The following BCL10 variants were observed in gnomAD, a reference collection of about 807,000 sequenced individuals.
BCL10 encodes the protein B-cell lymphoma/leukemia 10.
Under a neutral mutation model 19.2 loss-of-function variants are expected in BCL10, and 5 were observed. That is an observed-to-expected ratio of 0.26 (90% CI 0.14 to 0.55). The LOEUF is 0.55. Among genes scored for constraint, BCL10 ranks in the 20% least tolerant of loss-of-function variants. The pLI, the probability that BCL10 is intolerant of heterozygous loss-of-function variation, is 0.94. For missense variants in BCL10, 201 were observed against 271.9 expected (o/e 0.74, Z 1.83); for synonymous variants, 110 against 98.8 (o/e 1.11, Z -0.67).
rs75617905 is a variant in BCL10 at position 85,274,333 on chromosome 1, T to C, written c.57+1963A>G. Among the ~76,000 whole-genome samples, 7 of 152,330 alleles carry C rather than the reference T, an allele frequency of 4.6e-5. No homozygotes were observed. The East Asian group carries it at 1.3e-3, about 29-fold the overall frequency. On this transcript the variant is annotated intron_variant, in intron 1 of 2. Transcript: ENST00000648566. ...TTGAATGCAAAACTCACTGCACTTA[T>C]TTTGTGATTTAAAACAATCCCCCTC...
At chr1:85,274,643 T>C (rs373990645) in intron 1 of BCL10, among the ~76,000 whole-genome samples, 3 of 152,264 alleles carry the variant, frequency 2.0e-5, no homozygotes, top group East Asian at 3.9e-4. Context: ...AGTTCAATAT[T>C]TGACAAGGTG....
At chr1:85,275,284 T>C (rs557693204) in intron 1 of BCL10, among the ~76,000 whole-genome samples, 1 of 152,366 alleles carries the variant, frequency 6.6e-6, no homozygotes, top group Non-Finnish European at 1.5e-5. Flanking sequence ...AGGCCAGTGC[T>C]TTCCATATAG....
intron 1 of BCL10, among the ~76,000 whole-genome samples, chr1:85,273,899 C>T (rs1203263784): frequency 1.3e-5 from 2 of 152,192 alleles, no homozygotes; most frequent in East Asian, 3.8e-4. Flanking sequence ...AAAAAAACCC[C>T]AGATACTTTA....
At chr1:85,272,535 C>T (rs1346211439) in intron 1 of BCL10, among the ~76,000 whole-genome samples, 2 of 151,404 alleles carry the variant, frequency 1.3e-5, no homozygotes, top group African/African-American at 4.9e-5. Flanking sequence ...GGCCACTGTG[C>T]CCAGCAAATT....
chr1:85,270,968 C>T, intron 1 of BCL10, 62 bp from the exon 2 acceptor site: 1 of 1,507,636 alleles, frequency 6.6e-7, no homozygotes, highest in Non-Finnish European at 9.0e-7. Flanking sequence ...ACATACGTGA[C>T]TATTAGTTGG....
chr1:85,276,192 G>A (rs996599034), intron 1 of BCL10, 104 bp downstream of exon 1: 3 of 1,438,802 alleles, frequency 2.1e-6, no homozygotes, highest in Non-Finnish European at 2.9e-6. Context: ...CCGCTCCTCC[G>A]ACCTGGAGGA....
chr1:85,269,032 AG>A (rs1292515144), intron 2 of BCL10, among the ~76,000 whole-genome samples: 1 of 152,182 alleles, frequency 6.6e-6, no homozygotes, highest in Non-Finnish European at 1.5e-5. Context: ...CAGGGTCATG[AG>A]GGCTCTGCCC....
chr1:85,269,675 T>C (rs1240200332), intron 2 of BCL10, among the ~76,000 whole-genome samples: 1 of 152,248 alleles, frequency 6.6e-6, no homozygotes, highest in Non-Finnish European at 1.5e-5. Context: ...CTAGAAGAGC[T>C]GTAGAACATC....
In BCL10 at chr1:85,276,536, C is replaced by G. The variant is rs1043905827; in HGVS notation, c.-184G>C. ...GGGGGTCAAACCGTAGCGCTTCCGG[C>G]CCCGCCTCTGAGGTCGACGGCGACG... On this transcript the variant is annotated 5_prime_UTR_variant, in exon 1 of 3. Coordinates refer to ENST00000648566, the MANE Select transcript of BCL10 (RefSeq NM_003921.5). The G allele has an allele frequency of 5.0e-5, 32 of 643,176 alleles. 1 individual carries two copies. In the African/African-American group the frequency reaches 5.9e-4, roughly 12 times the overall value. The allele number at this position is 643,176 out of a possible 1,614,324, so 39.8% of individuals were successfully genotyped here. A position where few individuals can be genotyped will look rare whatever the true frequency, so the allele number is the denominator to read the frequency against.
In BCL10 at chr1:85,276,612, G is replaced by T; in HGVS notation, c.-260C>A. The T allele has an allele frequency of 3.5e-6, 2 of 569,100 alleles. No individual in the cohort carries two copies. The highest frequency in any genetic ancestry group is 3.1e-5 in the Admixed American group (1 of 32,438). 35.3% of individuals were successfully genotyped at this position (569,100 alleles called of 1,614,324 possible). A position where few individuals can be genotyped will look rare whatever the true frequency, so the allele number is the denominator to read the frequency against. ...CTCGGAGCAGCGTTCCTTCCCTCTC[G>T]TAGAGGCTCAGGCGCAGGCACCGCC... On this transcript the variant is annotated 5_prime_UTR_variant, in exon 1 of 3. Transcript: ENST00000648566.
chr1:85,273,539 CT>C (rs1007692143), intron 1 of BCL10, among the ~76,000 whole-genome samples: 3 of 152,224 alleles, frequency 2.0e-5, no homozygotes, highest in African/African-American at 7.2e-5. Context: ...CAATTCCACA[CT>C]TACATTTCTA....
intron 1 of BCL10, among the ~76,000 whole-genome samples, chr1:85,274,221 CTGTT>C (rs1285036253): frequency 2.0e-5 from 3 of 152,178 alleles, no homozygotes; most frequent in African/African-American, 7.2e-5. Context: ...ACTAACGTCT[CTGTT>C]TGAAGCAGGC....
At position 85,276,339 on chromosome 1, in the gene BCL10, G is replaced by C. The variant is rs778423633; in HGVS notation, c.14C>G (p.Ala5Gly). Residue 5 changes from alanine (A) to glycine (G), a missense_variant, in exon 1 of 3, where the codon GCA (alanine) becomes GGA (glycine). This residue lies in a region of BCL10 where 24 missense variants were observed against 16.6 expected (regional missense o/e 1.45). Transcript: ENST00000648566. ...GAGGTCCTCCTCGGTGAGGGACGGTGCGGTGGGCTCCATGGTGGAGGCGGG... is the reference window on the plus strand; with the variant it reads ...GAGGTCCTCCTCGGTGAGGGACGGTCCGGTGGGCTCCATGGTGGAGGCGGG... Reference protein sequence around the residue: MEPTAPSLTEEDLTE... With the variant: MEPTGPSLTEEDLTE... 1.4e-5 allele frequency: 23 copies of C among 1,613,520 alleles called. No individual in the cohort carries two copies. In the South Asian group the frequency reaches 2.5e-4, roughly 18 times the overall value.
rs61771973 is a variant in BCL10 at position 85,276,581 on chromosome 1, G to C, written c.-229C>G. Reference sequence around the variant, plus strand: ...GCGACGCGAATCTACGCGACGCGACGCGGAGCTCGGAGCAGCGTTCCTTCC... The same window carrying C: ...GCGACGCGAATCTACGCGACGCGACCCGGAGCTCGGAGCAGCGTTCCTTCC... On this transcript the variant is annotated 5_prime_UTR_variant, in exon 1 of 3. Transcript: ENST00000648566. 41,790 of 596,252 alleles carry C rather than the reference G, an allele frequency of 0.07. 1,747 individuals are homozygous for C. Among genetic ancestry groups the C allele is most frequent in the Middle Eastern group, 0.11 (238 of 2,230 alleles). The allele number at this position is 596,252 out of a possible 1,614,324, so 36.9% of individuals were successfully genotyped here. A position where few individuals can be genotyped will look rare whatever the true frequency, so the allele number is the denominator to read the frequency against.
At position 85,273,226 on chromosome 1, in the gene BCL10, C is replaced by T. The variant is rs558569789; in HGVS notation, c.58-2320G>A. ...TTCATTCCCAGACATTTCCATCCTG[C>T]CCCAGTATTCTTCTCGAAGTCACCA... On this transcript the variant is annotated intron_variant, in intron 1 of 2. Transcript: ENST00000648566. 3.2e-3 allele frequency among the ~76,000 whole-genome samples: 493 copies of T among 152,276 alleles called. 6 individuals are homozygous for T. The highest frequency in any genetic ancestry group is 3.4e-3 in the Middle Eastern group (1 of 294).
At position 85,267,565 on chromosome 1, in the gene BCL10, TA is replaced by T; in HGVS notation, c.*61del. On this transcript the variant is annotated 3_prime_UTR_variant, in exon 3 of 3. Transcript: ENST00000648566. The stretch of plus-strand genomic sequence containing the variant: ...TAAACAAATGATTACAGCCATTTTA[TA>T]AAAAGTCATATTCTTTAAAACATTT... 2 of 1,356,950 alleles carry T rather than the reference TA, an allele frequency of 1.5e-6. No homozygotes were observed. The highest frequency in any genetic ancestry group is 1.5e-5 in the South Asian group (1 of 68,232). 84.1% of individuals were successfully genotyped at this position (1,356,950 alleles called of 1,614,324 possible).
intron 1 of BCL10, 87 bp from the exon 2 acceptor site, chr1:85,270,993 G>T: frequency 7.5e-7 from 1 of 1,327,528 alleles, no homozygotes; most frequent in Non-Finnish European, 1.0e-6. Flanking sequence ...CTTAGCTGGT[G>T]TGAGACAATG....
chr1:85,268,555 G>A (rs1660270006), intron 2 of BCL10, among the ~76,000 whole-genome samples: 1 of 152,142 alleles, frequency 6.6e-6, no homozygotes, highest in Non-Finnish European at 1.5e-5. Flanking sequence ...AGATCATGAG[G>A]TCAGGAGTTT....
intron 2 of BCL10, 24 bp downstream of exon 2, chr1:85,270,594 T>G (rs372893140): frequency 3.7e-4 from 579 of 1,574,786 alleles, no homozygotes; most frequent in Non-Finnish European, 4.2e-4. Flanking sequence ...TTAAATTAGC[T>G]CTTAGATAAT....
Sources: allele counts gnomAD v4.1 joint callset (sites outside exome capture counted in the v4.1 genomes callset), GRCh38; gene constraint gnomAD v4.1.1; regional missense constraint gnomAD v4.1.1; transcripts MANE v1.5; gene names NCBI Gene and HGNC (gene_info 2026-07-23, HGNC 2026-07-21).